GSE1: variants seen among roughly 807,000 people sequenced by gnomAD.
GSE1 encodes genetic suppressor element 1.
Under a neutral mutation model 112.6 loss-of-function variants are expected in GSE1, and 32 were observed. That is an observed-to-expected ratio of 0.28 (90% CI 0.21 to 0.38). The LOEUF (loss-of-function observed/expected upper bound fraction) is 0.38. Ranked by LOEUF, GSE1 falls within the 10% of genes least tolerant of loss-of-function variation. The pLI is 1.00. For missense variants in GSE1, 2,348 were observed against 1,699.2 expected (o/e 1.38, Z -6.71); for synonymous variants, 1,115 against 735.6 (o/e 1.52, Z -8.35).
At chr16:85,331,442 C>CGTATATAT (rs1447581027) in intron 1 of GSE1, among the ~76,000 whole-genome samples, 1 of 93,576 alleles carries the variant, frequency 1.1e-5, no homozygotes, top group African/African-American at 4.1e-5. Context: ...TATATATATG[C>CGTATATAT]GTATATATGT....
chr16:85,394,028 G>A (rs2047909534), intron 2 of GSE1, among the ~76,000 whole-genome samples: 1 of 152,150 alleles, frequency 6.6e-6, no homozygotes, highest in South Asian at 2.1e-4. Flanking sequence ...AATCTGCCTG[G>A]GGACCTCTGG....
chr16:85,178,247 A>G (rs983156418), intron 1 of GSE1, among the ~76,000 whole-genome samples: 7 of 152,172 alleles, frequency 4.6e-5, no homozygotes, highest in Admixed American at 3.3e-4. Flanking sequence ...TGAAGACTGA[A>G]AAGGATTCAG....
intron 1 of GSE1, among the ~76,000 whole-genome samples, chr16:85,308,399 T>A (rs1267133817): frequency 6.6e-6 from 1 of 152,250 alleles, no homozygotes; most frequent in Non-Finnish European, 1.5e-5. Context: ...ACAGAGAAGC[T>A]TCTGTTTTGG....
intron 2 of GSE1, among the ~76,000 whole-genome samples, chr16:85,641,869 A>G (rs959069478): frequency 8.5e-5 from 13 of 152,174 alleles, no homozygotes; most frequent in African/African-American, 3.1e-4. Context: ...AAGGGGCTGG[A>G]CCTCCTCTGG....
intron 1 of GSE1, among the ~76,000 whole-genome samples, chr16:85,288,309 T>C (rs1314764054): frequency 6.6e-6 from 1 of 152,044 alleles, no homozygotes; most frequent in Non-Finnish European, 1.5e-5. Flanking sequence ...AAAAAATAAT[T>C]AGAGAGGCAC....
At chr16:85,547,475 C>T (rs2044741150) in intron 2 of GSE1, among the ~76,000 whole-genome samples, 1 of 152,248 alleles carries the variant, frequency 6.6e-6, no homozygotes, top group Non-Finnish European at 1.5e-5. Flanking sequence ...TGTGTCTTGT[C>T]TTTTGTCTGT....
At chr16:85,365,708 T>C (rs1372265782) in intron 2 of GSE1, among the ~76,000 whole-genome samples, 1 of 152,126 alleles carries the variant, frequency 6.6e-6, no homozygotes. Context: ...TTATAGAAGG[T>C]GAAGGTTTAT....
At chr16:85,272,536 G>T (rs1471639453) in intron 1 of GSE1, among the ~76,000 whole-genome samples, 1 of 152,158 alleles carries the variant, frequency 6.6e-6, no homozygotes, top group African/African-American at 2.4e-5. Context: ...TCTGTGGGAT[G>T]GTGCCTGGGG....
chr16:85,612,844 A>G (rs1014927399), upstream of GSE1, among the ~76,000 whole-genome samples: 11 of 152,214 alleles, frequency 7.2e-5, no homozygotes, highest in African/African-American at 2.4e-4. Flanking sequence ...GCTCTGTGTC[A>G]GGCACTGTTC....
chr16:85,302,002 A>G (rs2045539454), intron 1 of GSE1, among the ~76,000 whole-genome samples: 1 of 152,228 alleles, frequency 6.6e-6, no homozygotes, highest in South Asian at 2.1e-4. Context: ...CTGGAGAACC[A>G]GAGAGAACTC....
intron 2 of GSE1, among the ~76,000 whole-genome samples, chr16:85,400,938 C>T (rs1245561176): frequency 1.3e-5 from 2 of 152,052 alleles, no homozygotes; most frequent in East Asian, 3.9e-4. Context: ...TAATGGAGAC[C>T]TAGCTTTGAC....
upstream of GSE1, among the ~76,000 whole-genome samples, chr16:85,610,531 C>A (rs932484000): frequency 6.6e-6 from 1 of 152,238 alleles, no homozygotes; most frequent in African/African-American, 2.4e-5. Context: ...GAGAGCAATT[C>A]CCACCCTTAA....
intron 5 of GSE1, among the ~76,000 whole-genome samples, 178 bp from the exon 6 acceptor site, chr16:85,655,548 A>G (rs1234853216): frequency 1.3e-5 from 2 of 152,204 alleles, no homozygotes; most frequent in Non-Finnish European, 2.9e-5. Flanking sequence ...GGCACCTAGC[A>G]GCCTCCGGCA....
chr16:85,482,500 T>TCCC (rs35856605), intron 2 of GSE1, among the ~76,000 whole-genome samples: 4 of 148,334 alleles, frequency 2.7e-5, no homozygotes, highest in African/African-American at 1.0e-4. Context: ...GTGACTCAGT[T>TCCC]CCCCCCCCAA....
At chr16:85,412,868 G>C (rs1307056203) in intron 2 of GSE1, among the ~76,000 whole-genome samples, 2 of 152,214 alleles carry the variant, frequency 1.3e-5, no homozygotes, top group Admixed American at 6.5e-5. Context: ...CAGGTTCCAG[G>C]GATGAGGACA....
chr16:85,186,295 C>A (rs1011620982), intron 1 of GSE1, among the ~76,000 whole-genome samples: 2 of 152,008 alleles, frequency 1.3e-5, no homozygotes, highest in African/African-American at 2.4e-5. Flanking sequence ...CATAGTGAGA[C>A]CCCATATGTA....
intron 2 of GSE1, among the ~76,000 whole-genome samples, chr16:85,448,710 A>G (rs1030365081): frequency 6.6e-6 from 1 of 152,168 alleles, no homozygotes; most frequent in Non-Finnish European, 1.5e-5. Flanking sequence ...CGGGGGCACC[A>G]CTGGCAGCCC....
chr16:85,206,890 C>G (rs1326049369), intron 1 of GSE1, among the ~76,000 whole-genome samples: 1 of 145,806 alleles, frequency 6.9e-6, no homozygotes, highest in Non-Finnish European at 1.5e-5. Context: ...TTATGGCAGG[C>G]AAAGTGCTAA....
At chr16:85,340,824 G>A (rs7195987) in intron 1 of GSE1, among the ~76,000 whole-genome samples, 29,545 of 152,084 alleles carry the variant, frequency 0.19, 3,059 homozygotes, top group East Asian at 0.43. Context: ...TGGGAGGGTG[G>A]GACGGTGCGA....
Sources: allele counts gnomAD v4.1 joint callset (sites outside exome capture counted in the v4.1 genomes callset), GRCh38; gene constraint gnomAD v4.1.1; transcripts MANE v1.5; gene names NCBI Gene and HGNC (gene_info 2026-07-23, HGNC 2026-07-21).